The following NTMT2 variants were observed in gnomAD, a reference collection of about 807,000 sequenced individuals.
NTMT2 encodes N-terminal Xaa-Pro-Lys N-methyltransferase 2, also known as X-Pro-Lys N-terminal protein methyltransferase 1B.
In NTMT2, 21 loss-of-function variants were observed where a neutral mutation model predicts 23.4. The observed-to-expected ratio is 0.90, with a 90% CI of 0.64 to 1.29. NTMT2 has a LOEUF of 1.29. Among genes scored for constraint, NTMT2 ranks in the 50% most tolerant of loss-of-function variants. NTMT2 has a pLI of 0.00. For missense variants in NTMT2, 336 were observed against 352.0 expected, an observed-to-expected ratio of 0.95 and a Z score of 0.36; for synonymous variants, 131 against 127.7, an observed-to-expected ratio of 1.03 and a Z score of -0.17.
In NTMT2 at chr1:170,166,496, C is replaced by T; in HGVS notation, c.331-6C>T. On this transcript the variant is annotated splice_polypyrimidine_tract_variant and splice_region_variant and intron_variant, in intron 2 of 3. Coordinates refer to ENST00000439373, the MANE Select transcript of NTMT2 (RefSeq NM_001136107.2). ...GTACTTGAAATATCAAGGTGCCTTT[C>T]TGCAGGGGCCTGGGAGAGCTGGAAC... 6.4e-7 allele frequency: 1 copy of T among 1,552,226 alleles called. No individual in the cohort carries two copies. Among genetic ancestry groups the T allele is most frequent in the Non-Finnish European group, 8.7e-7 (1 of 1,147,100 alleles).
At position 170,168,573 on chromosome 1, in the gene NTMT2, T is replaced by C. The variant is rs1447725479; in HGVS notation, c.*816T>C. 2.0e-5 allele frequency among the ~76,000 whole-genome samples: 3 copies of C among 152,254 alleles called. No homozygotes were observed. Among genetic ancestry groups the C allele is most frequent in the Admixed American group, 2.0e-4 (3 of 15,292 alleles). On this transcript the variant is annotated 3_prime_UTR_variant, in exon 4 of 4. Transcript: ENST00000439373. ...AGTTTTACTACCCAATGATGTAATA[T>C]GGATGTAATTTGATAACAGAAGTCT...
Position 170,166,968 on chromosome 1 carries a change from G to A in NTMT2, c.580+217G>A, listed in dbSNP as rs758694404. On this transcript the variant is annotated intron_variant, in intron 3 of 3. Transcript: ENST00000439373. ...AATTTACATTTCTTGGAGGATTTAC[G>A]TTGGTTCTCGAACCAACTTAAATGG... 6.6e-5 allele frequency among the ~76,000 whole-genome samples: 10 copies of A among 152,218 alleles called. No individual in the cohort carries two copies. In the Middle Eastern group the frequency reaches 0.024, roughly 362 times the overall value.
chr1:170,166,141 T>TTTTC (rs1491501727), intron 2 of NTMT2, among the ~76,000 whole-genome samples: 19 of 16,364 alleles, frequency 1.2e-3, no homozygotes, highest in Non-Finnish European at 2.4e-3. Flanking sequence ...TTTTTTTTTC[T>TTTTC]TTTTTTTTTT....
chr1:170,150,827 T>G (rs1413537630), intron 1 of NTMT2, among the ~76,000 whole-genome samples: 1 of 151,932 alleles, frequency 6.6e-6, no homozygotes, highest in Non-Finnish European at 1.5e-5. Context: ...AAATAGGAAA[T>G]AGAATGGGAA....
chr1:170,161,816 G>A (rs2102239314), intron 2 of NTMT2: 1 of 152,316 alleles, frequency 6.6e-6, no homozygotes, highest in South Asian at 2.1e-4. Context: ...AGAAAGGCTG[G>A]GTATGGTGGC....
chr1:170,159,420 G>GTTTTTTTTTTTTTTTTTTTTTT (rs1673225599), intron 1 of NTMT2, among the ~76,000 whole-genome samples: 2 of 88,196 alleles, frequency 2.3e-5, no homozygotes, highest in African/African-American at 4.3e-5. Flanking sequence ...TTTATGCTCT[G>GTTTTTTTTTTTTTTTTTTTTTT]GTTTTTTTTT....
In NTMT2 at chr1:170,146,133, C is replaced by T; in HGVS notation, c.26C>T (p.Ala9Val). The T allele has an allele frequency of 6.4e-7, 1 of 1,551,368 alleles. No homozygotes were observed. The highest frequency in any genetic ancestry group is 8.7e-7 in the Non-Finnish European group (1 of 1,146,842). Reference sequence around the variant, plus strand: ...ATGGCCCACCGGGGAGCCCATTTTGCCTTTAGATCCCGCTGGCAGAAGACC... The same window carrying T: ...ATGGCCCACCGGGGAGCCCATTTTGTCTTTAGATCCCGCTGGCAGAAGACC... MAHRGAHF[A>V]FRSRWQKTDD... Residue 9 changes from alanine to valine, a missense_variant, in exon 1 of 4, where the codon GCC becomes GTC. By Grantham distance (64) the Ala-to-Val change is moderately conservative. Transcript: ENST00000439373.
chr1:170,164,052 G>T (rs1291760775), intron 2 of NTMT2, among the ~76,000 whole-genome samples: 2 of 150,988 alleles, frequency 1.3e-5, no homozygotes, highest in East Asian at 3.9e-4. Context: ...AACCCGGGAG[G>T]TGGAGGTTGC....
chr1:170,162,839 A>G (rs751222288), intron 2 of NTMT2, among the ~76,000 whole-genome samples: 4 of 150,286 alleles, frequency 2.7e-5, no homozygotes, highest in Non-Finnish European at 4.4e-5. Flanking sequence ...TGTCTCATGA[A>G]ACTGAAAAAA....
At chr1:170,163,149 C>G (rs965838067) in intron 2 of NTMT2, among the ~76,000 whole-genome samples, 2 of 152,136 alleles carry the variant, frequency 1.3e-5, no homozygotes, top group African/African-American at 4.8e-5. Context: ...AAAGAGGCAG[C>G]CTGCTCCTTT....
At chr1:170,151,781 G>A (rs1180261895) in intron 1 of NTMT2, among the ~76,000 whole-genome samples, 1 of 152,068 alleles carries the variant, frequency 6.6e-6, no homozygotes, top group Non-Finnish European at 1.5e-5. Context: ...TCACTCTCTA[G>A]CTGCTTAACC....
intron 1 of NTMT2, among the ~76,000 whole-genome samples, chr1:170,148,045 A>G (rs1211999034): frequency 6.6e-6 from 1 of 152,106 alleles, no homozygotes; most frequent in Non-Finnish European, 1.5e-5. Flanking sequence ...CCCAATGTAA[A>G]ATACAGGAAA....
chr1:170,147,981 T>TA (rs1353337503), intron 1 of NTMT2, among the ~76,000 whole-genome samples: 2 of 152,134 alleles, frequency 1.3e-5, no homozygotes, highest in East Asian at 1.9e-4. Flanking sequence ...TTTGACCTTT[T>TA]AAAAAAACAT....
intron 1 of NTMT2, among the ~76,000 whole-genome samples, chr1:170,158,891 T>C (rs1388470464): frequency 6.6e-6 from 1 of 152,100 alleles, no homozygotes; most frequent in Non-Finnish European, 1.5e-5. Context: ...TGGATGTGCC[T>C]GTTCTCATAT....
intron 1 of NTMT2, among the ~76,000 whole-genome samples, chr1:170,152,174 T>C (rs1461584733): frequency 1.3e-5 from 2 of 152,234 alleles, no homozygotes; most frequent in African/African-American, 4.8e-5. Flanking sequence ...AATATAGCCT[T>C]ATCCTGAAGA....
rs1048567861 is a variant in NTMT2 at position 170,168,131 on chromosome 1, G to T, written c.*374G>T. Among the ~76,000 whole-genome samples, 64 of 146,020 alleles carry T rather than the reference G, an allele frequency of 4.4e-4. No individual in the cohort carries two copies. Among genetic ancestry groups the T allele is most frequent in the East Asian group, 1.2e-3 (6 of 4,980 alleles). ...CACAACATCCTAGACAAAAATGGTG[G>T]TTTTTTTTTTGTTTTTCCATCACAA... On this transcript the variant is annotated 3_prime_UTR_variant, in exon 4 of 4. Coordinates refer to ENST00000439373, the MANE Select transcript of NTMT2 (RefSeq NM_001136107.2).
intron 2 of NTMT2, among the ~76,000 whole-genome samples, chr1:170,165,255 G>A (rs939130900): frequency 2.0e-4 from 31 of 152,050 alleles, no homozygotes; most frequent in African/African-American, 7.5e-4. Context: ...TAAATTTTAT[G>A]GAAGCAAGTT....
rs998277643 is a variant in NTMT2 at position 170,168,856 on chromosome 1, C to T, written c.*1099C>T. Among the ~76,000 whole-genome samples the T allele has an allele frequency of 6.6e-6, 1 of 152,200 alleles. No individual in the cohort carries two copies. The highest frequency in any genetic ancestry group is 1.5e-5 in the Non-Finnish European group (1 of 68,030). On this transcript the variant is annotated 3_prime_UTR_variant, in exon 4 of 4. Transcript: ENST00000439373. Reference sequence around the variant, plus strand: ...GGACATTGGTTTAATTAAAAATAATCTAAAATCATTCAAAAAATGTAATTC... The same window carrying T: ...GGACATTGGTTTAATTAAAAATAATTTAAAATCATTCAAAAAATGTAATTC...
intron 1 of NTMT2, among the ~76,000 whole-genome samples, chr1:170,152,215 A>G (rs892810143): frequency 3.9e-5 from 6 of 152,188 alleles, no homozygotes; most frequent in African/African-American, 1.4e-4. Flanking sequence ...GTACACAAAT[A>G]CTTTTTAAAA....
Sources: allele counts gnomAD v4.1 joint callset (sites outside exome capture counted in the v4.1 genomes callset), GRCh38; gene constraint gnomAD v4.1.1; transcripts MANE v1.5; gene names NCBI Gene and HGNC (gene_info 2026-07-23, HGNC 2026-07-21).